TP73: variants seen among roughly 807,000 people sequenced by gnomAD.
TP73 encodes p53-like transcription factor.
In TP73, 25 loss-of-function variants were observed where a neutral mutation model predicts 62.5. The observed-to-expected ratio is 0.40, with a 90% CI of 0.29 to 0.56. TP73 has a LOEUF of 0.56. TP73 is among the 20% of genes least tolerant of loss of function. The pLI, the probability that TP73 is intolerant of heterozygous loss-of-function variation, is 0.46. For synonymous variants in TP73, 423 were observed against 377.5 expected, an observed-to-expected ratio of 1.12 and a Z score of -1.40; for missense variants, 754 against 913.3, an observed-to-expected ratio of 0.83 and a Z score of 2.25.
At chr1:3,730,326 T>A (rs934774802) in intron 11 of TP73, among the ~76,000 whole-genome samples, 178 bp downstream of exon 11, 18 of 152,170 alleles carry the variant, frequency 1.2e-4, no homozygotes, top group African/African-American at 4.3e-4. Flanking sequence ...CTCTGCCCAC[T>A]CCTGGCTGTG....
chr1:3,727,730 G>A lies in TP73; in HGVS notation c.945G>A (p.Leu315=), dbSNP rs1329240022. Residue 315 remains leucine, a synonymous_variant, in exon 8 of 14, where the codon CTG becomes CTA. Coordinates refer to ENST00000378295, the MANE Select transcript of TP73 (RefSeq NM_005427.4). ...ACCACTACCGGGAGCAGCAGGCCCT[G>A]AACGAGAGCTCCGCCAAGAACGGGG... ...DEDHYREQQA[L]NESSAKNGAA... is the part of the protein sequence containing the mutation. 6.4e-6 allele frequency: 10 copies of A among 1,560,160 alleles called. No individual in the cohort carries two copies. Among genetic ancestry groups the A allele is most frequent in the Non-Finnish European group, 8.7e-6 (10 of 1,153,478 alleles).
intron 13 of TP73, 21 bp from the exon 14 acceptor site, chr1:3,732,725 CT>C (rs1359928846): frequency 8.4e-6 from 13 of 1,548,626 alleles, no homozygotes; most frequent in African/African-American, 6.8e-5. Flanking sequence ...CCCCCTGCCC[CT>C]AATGCGCCGG....
chr1:3,666,787 G>A lies in TP73; in HGVS notation c.-34+14146G>A, dbSNP rs149588579. ...GAGCAGACGCGACTCAGTGCCATGC[G>A]GGCGTCTCTCCCAGGGCGGCTTTCA... On this transcript the variant is annotated intron_variant, in intron 1 of 13. Coordinates refer to ENST00000378295, the MANE Select transcript of TP73 (RefSeq NM_005427.4). The surrounding 1 kb of genome is among the most constrained non-coding windows in gnomAD (Gnocchi z 6.4). Among the ~76,000 whole-genome samples the A allele has an allele frequency of 4.1e-4, 63 of 152,286 alleles. 1 individual carries two copies. The highest frequency in any genetic ancestry group is 1.0e-3 in the Admixed American group (16 of 15,290).
At chr1:3,723,308 T>C (rs1310898063) in intron 5 of TP73, 46 bp from the exon 6 acceptor site, 3 of 1,518,054 alleles carry the variant, frequency 2.0e-6, no homozygotes. Flanking sequence ...AGCACAGGGG[T>C]GGGCACCTCT....
At position 3,730,110 on chromosome 1, in the gene TP73, C is replaced by G; in HGVS notation, c.1307C>G (p.Pro436Arg). 6.3e-7 allele frequency: 1 copy of G among 1,577,372 alleles called. No homozygotes were observed. The highest frequency in any genetic ancestry group is 8.6e-7 in the Non-Finnish European group (1 of 1,161,928). Residue 436 changes from proline to arginine, a missense_variant, in exon 11 of 14, where the codon CCG becomes CGG. Pro to Arg is a moderately radical substitution (Grantham distance 103). Transcript: ENST00000378295. ...SVNQLVGQPP[P>R]HSSAATPNLG... ...AACCAGCTGGTGGGCCAGCCTCCCC[C>G]GCACAGTTCGGCAGCTACACCCAAC...
At chr1:3,703,493 G>A (rs1227809621) in intron 3 of TP73, among the ~76,000 whole-genome samples, 3 of 152,164 alleles carry the variant, frequency 2.0e-5, no homozygotes, top group Non-Finnish European at 2.9e-5. Context: ...TAGGATTCCC[G>A]CGTGGGGCCG....
At position 3,693,115 on chromosome 1, in the gene TP73, C is replaced by T. The variant is rs147508422; in HGVS notation, c.186+9935C>T. Among the ~76,000 whole-genome samples the T allele has an allele frequency of 7.6e-3, 1,160 of 152,236 alleles. 6 individuals are homozygous for T. Among genetic ancestry groups the T allele is most frequent in the Non-Finnish European group, 0.012 (829 of 68,000 alleles). On this transcript the variant is annotated intron_variant, in intron 3 of 13. Transcript: ENST00000378295. ...CAGTGCCCAGAGCCAGCCATGTCTC[C>T]AGCACCTCTTCCCTCTCGGGGGGAG...
At chr1:3,719,974 G>A (rs1270602772) in intron 4 of TP73, among the ~76,000 whole-genome samples, 1 of 149,204 alleles carries the variant, frequency 6.7e-6, no homozygotes, top group African/African-American at 2.5e-5. Context: ...GGAGTGCAAT[G>A]GTGCGATCTC....
intron 5 of TP73, among the ~76,000 whole-genome samples, chr1:3,723,099 C>T (rs899690198): frequency 2.0e-4 from 30 of 147,830 alleles, no homozygotes; most frequent in African/African-American, 6.3e-4. Context: ...ACCTCTGCAC[C>T]TAACAGGGGT....
rs564190636 is a variant in TP73, at chr1:3,731,470, A to G, written c.1492A>G (p.Thr498Ala). The G allele has an allele frequency of 1.2e-6, 2 of 1,613,534 alleles. No homozygotes were observed. Among genetic ancestry groups the G allele is most frequent in the African/African-American group, 1.3e-5 (1 of 75,046 alleles). The change falls in exon 13 of 14, where the codon ACA (threonine) becomes GCA (alanine). Residue 498 changes from threonine (T) to alanine (A), a missense_variant. This residue lies in a region of TP73 where 458 missense variants were observed against 528.7 expected (regional missense o/e 0.87). Coordinates refer to ENST00000378295, the MANE Select transcript of TP73 (RefSeq NM_005427.4). Reference protein sequence around the residue: ...HADPSLVSFLTGLGCPNCIEY... With the variant: ...HADPSLVSFLAGLGCPNCIEY... The stretch of plus-strand genomic sequence containing the variant: ...CTCAAATTCTCTCTGCAGTTTTTTA[A>G]CAGGATTGGGGTGTCCAAACTGCAT...
At position 3,699,468 on chromosome 1, in the gene TP73, A is replaced by G. The variant is rs1394924850; in HGVS notation, c.187-8081A>G. On this transcript the variant is annotated intron_variant, in intron 3 of 13. Transcript: ENST00000378295. This position sits in a 1 kb window ranked among gnomAD's most constrained non-coding sequence, Gnocchi z 4.1. Reference sequence around the variant, plus strand: ...GGGTCACAGCTCAGAGCCCCTGTCCAGGCTGGAGGGAGAAGGCCAGGAGGC... The same window carrying G: ...GGGTCACAGCTCAGAGCCCCTGTCCGGGCTGGAGGGAGAAGGCCAGGAGGC... Among the ~76,000 whole-genome samples the G allele has an allele frequency of 6.6e-6, 1 of 152,214 alleles. No homozygotes were observed. Among genetic ancestry groups the G allele is most frequent in the East Asian group, 1.9e-4 (1 of 5,196 alleles).
In TP73 at chr1:3,699,895, A is replaced by C. The variant is rs377268414; in HGVS notation, c.187-7654A>C. ...ATCCTAAGTGATTAGGATCAGAGGA[A>C]TCTCTGTTTCCAAGAGAAGGGGGAC... is the stretch of plus-strand genomic sequence containing the variant. On this transcript the variant is annotated intron_variant, in intron 3 of 13. Coordinates refer to ENST00000378295, the MANE Select transcript of TP73 (RefSeq NM_005427.4). This position sits in a 1 kb window ranked among gnomAD's most constrained non-coding sequence, Gnocchi z 4.1. 6.6e-6 allele frequency among the ~76,000 whole-genome samples: 1 copy of C among 151,898 alleles called. No homozygotes were observed. The highest frequency in any genetic ancestry group is 2.4e-5 in the African/African-American group (1 of 41,342).
chr1:3,664,344 T>A (rs1394829828), intron 1 of TP73, among the ~76,000 whole-genome samples: 3 of 151,626 alleles, frequency 2.0e-5, no homozygotes, highest in African/African-American at 4.9e-5. Flanking sequence ...TGAGGAGGGG[T>A]GGGGGCTCTA....
intron 3 of TP73, among the ~76,000 whole-genome samples, chr1:3,697,243 C>T (rs569131930): frequency 1.4e-4 from 21 of 151,700 alleles, no homozygotes; most frequent in Middle Eastern, 3.4e-3. Context: ...TTGCTGACGC[C>T]CGCCCTGTGT....
At chr1:3,684,504 C>T (rs550928799) in intron 3 of TP73, among the ~76,000 whole-genome samples, 1 of 152,288 alleles carries the variant, frequency 6.6e-6, no homozygotes, top group Admixed American at 6.5e-5. Flanking sequence ...GGTGGGCGGC[C>T]CAGCCACCCT....
At position 3,698,181 on chromosome 1, in the gene TP73, G is replaced by A. The variant is rs577908194; in HGVS notation, c.187-9368G>A. On this transcript the variant is annotated intron_variant, in intron 3 of 13. Transcript: ENST00000378295. ...ATGGATGGGCAGACAGATGGGCAGG[G>A]GCATGTGTGCAAGGACACAGGATGT... 8 of 949,448 alleles carry A rather than the reference G, an allele frequency of 8.4e-6. No homozygotes were observed. In the East Asian group the frequency reaches 6.9e-4, roughly 82 times the overall value. The allele number at this position is 949,448 out of a possible 1,614,324, so 58.8% of individuals were successfully genotyped here.
intron 1 of TP73, among the ~76,000 whole-genome samples, chr1:3,675,349 GTTTCT>G (rs1009457325): frequency 9.0e-4 from 137 of 152,204 alleles, no homozygotes; most frequent in African/African-American, 3.1e-3. Flanking sequence ...ATGGCCCCAG[GTTTCT>G]TTGCCACTTC....
chr1:3,673,049 G>A (rs1645278047), intron 1 of TP73, among the ~76,000 whole-genome samples: 1 of 152,222 alleles, frequency 6.6e-6, no homozygotes, highest in South Asian at 2.1e-4. Context: ...CCTCCAGTGG[G>A]CCAGGGTTAT....
intron 1 of TP73, among the ~76,000 whole-genome samples, chr1:3,677,690 C>CTTTTTTTT (rs1196146698): frequency 7.3e-6 from 1 of 137,280 alleles, no homozygotes; most frequent in Non-Finnish European, 1.5e-5. Context: ...CCTTCCTTCC[C>CTTTTTTTT]TTTTTTTTTT....
Sources: gnomAD v4.1 joint callset for allele counts (sites outside exome capture counted in the v4.1 genomes callset) on GRCh38, gnomAD v4.1.1 for gene constraint, gnomAD v4.1.1 regional missense constraint, Gnocchi (gnomAD v3.1) non-coding constraint, MANE v1.5 for transcripts, NCBI Gene and HGNC (gene_info 2026-07-23, HGNC 2026-07-21) for gene names.